INTS4: variants seen among roughly 807,000 people sequenced by gnomAD.
INTS4 encodes the protein MSTP093.
A neutral mutation model predicts 119.5 loss-of-function variants in INTS4; 70 were observed. The ratio of observed to expected loss-of-function variants is 0.59; its 90% CI spans 0.48 to 0.71. The LOEUF is 0.71. Ranked by LOEUF, INTS4 falls within the 30% of genes least tolerant of loss-of-function variation. The pLI is 0.00. For missense variants in INTS4, 867 were observed against 1,173.2 expected (o/e 0.74, Z 3.81); for synonymous variants, 316 against 419.6 (o/e 0.75, Z 3.02).
chr11:77,902,153 C>T lies in INTS4; in HGVS notation c.2098-602G>A, dbSNP rs187631041. Among the ~76,000 whole-genome samples the T allele has an allele frequency of 3.7e-3, 567 of 152,264 alleles. 6 individuals carry two copies. Among genetic ancestry groups the T allele is most frequent in the Non-Finnish European group, 6.9e-3 (468 of 68,022 alleles). ...CCTCCCAGTGAACACTCTAGGGTCA[C>T]GGAAATGACTCCAGACTCTCTTACA... On this transcript the variant is annotated intron_variant, in intron 17 of 22. Transcript: ENST00000534064.
At chr11:77,897,505 A>T (rs967174042) in intron 18 of INTS4, among the ~76,000 whole-genome samples, 6 of 150,610 alleles carry the variant, frequency 4.0e-5, no homozygotes, top group African/African-American at 1.5e-4. Flanking sequence ...TATTATTATT[A>T]TTATTTTTTT....
intron 21 of INTS4, among the ~76,000 whole-genome samples, chr11:77,884,264 G>A (rs780000566): frequency 1.3e-5 from 2 of 152,136 alleles, no homozygotes; most frequent in African/African-American, 2.4e-5. Flanking sequence ...TTCACCAGAA[G>A]AGCACTCCCT....
At chr11:77,891,603 G>C in intron 20 of INTS4, 78 bp downstream of exon 20, 1 of 1,580,596 alleles carries the variant, frequency 6.3e-7, no homozygotes, top group South Asian at 1.2e-5. Flanking sequence ...CTGCTCCACT[G>C]GTCAAAGAAG....
chr11:77,986,495 C>A (rs1012412507), intron 2 of INTS4, among the ~76,000 whole-genome samples: 7 of 151,964 alleles, frequency 4.6e-5, no homozygotes, highest in Admixed American at 1.3e-4. Context: ...GGGTATATAC[C>A]CAAAGGATTA....
chr11:77,905,768 A>C (rs2136452249), intron 16 of INTS4, among the ~76,000 whole-genome samples: 1 of 152,332 alleles, frequency 6.6e-6, no homozygotes, highest in African/African-American at 2.4e-5. Flanking sequence ...TCAGATGACC[A>C]CAGTTAAAAA....
At chr11:77,924,951 A>C in intron 11 of INTS4, 59 bp from the exon 12 acceptor site, 1 of 1,378,068 alleles carries the variant, frequency 7.3e-7, no homozygotes, top group Non-Finnish European at 1.0e-6. Context: ...CTCAGCCTCT[A>C]TCTACCATCC....
At chr11:77,888,772 A>G (rs1201936590) in intron 21 of INTS4, among the ~76,000 whole-genome samples, 1 of 152,246 alleles carries the variant, frequency 6.6e-6, no homozygotes, top group Non-Finnish European at 1.5e-5. Context: ...AAGGATATGA[A>G]CAGACACTTC....
intron 5 of INTS4, 98 bp from the exon 6 acceptor site, chr11:77,960,489 C>A: frequency 1.1e-6 from 1 of 904,688 alleles, no homozygotes; most frequent in South Asian, 1.7e-5. Context: ...TTGTATCAGG[C>A]TAACATGGTT....
intron 4 of INTS4, among the ~76,000 whole-genome samples, chr11:77,971,958 T>A (rs1225876848): frequency 2.0e-5 from 3 of 152,202 alleles, no homozygotes; most frequent in African/African-American, 4.8e-5. Flanking sequence ...GAGGTAAGTT[T>A]CCAACTTTCT....
rs779400020 is a variant in INTS4, at chr11:77,981,586, A to G, written c.247-10T>C. On this transcript the variant is annotated splice_polypyrimidine_tract_variant and intron_variant, in intron 2 of 22. Coordinates refer to ENST00000534064, the MANE Select transcript of INTS4 (RefSeq NM_033547.4). ...CAGATGGATCATTCTCCTGGAAAAA[A>G]AGAAGCAATTGTCACTTTGATGCTT... The G allele has an allele frequency of 6.8e-6, 10 of 1,466,722 alleles. No individual in the cohort carries two copies. In the Middle Eastern group the frequency reaches 1.1e-3, roughly 154 times the overall value. 90.9% of individuals were successfully genotyped at this position (1,466,722 alleles called of 1,614,324 possible). A position where few individuals can be genotyped will look rare whatever the true frequency, so the allele number is the denominator to read the frequency against.
Position 77,979,046 on chromosome 11 carries a change from G to C in INTS4, c.421C>G (p.Leu141Val). The C allele has an allele frequency of 6.2e-7, 1 of 1,613,182 alleles. No individual in the cohort carries two copies. The highest frequency in any genetic ancestry group is 1.1e-5 in the South Asian group (1 of 91,056). ...ATTTGGATAGCTTGATTCTCTGGTA[G>C]CTTAGTGCCAATTGCAAGCAAAGTA... ...LDTLLAIGTK[L>V]PENQAIQMRL... The change falls in exon 4 of 23, where the codon CTA (leucine) becomes GTA (valine). Residue 141 changes from leucine to valine, a missense_variant. By Grantham distance (32) the Leu-to-Val change is conservative (BLOSUM62 1). Transcript: ENST00000534064.
chr11:77,933,021 C>T (rs1419050023), intron 10 of INTS4, among the ~76,000 whole-genome samples: 3 of 151,598 alleles, frequency 2.0e-5, no homozygotes, highest in Admixed American at 6.6e-5. Context: ...GATGGGTTGA[C>T]GGGTGCAGCA....
At chr11:77,919,436 G>A (rs3018416) in intron 14 of INTS4, among the ~76,000 whole-genome samples, 14,933 of 151,918 alleles carry the variant, frequency 0.098, 1,013 homozygotes, top group Non-Finnish European at 0.15. Flanking sequence ...AGAGGTGGCC[G>A]CCCCCACACC....
At chr11:77,938,311 T>C (rs1210207645) in intron 10 of INTS4, among the ~76,000 whole-genome samples, 1 of 152,214 alleles carries the variant, frequency 6.6e-6, no homozygotes, top group African/African-American at 2.4e-5. Flanking sequence ...AATTATTAAG[T>C]GCTTATTATA....
intron 14 of INTS4, among the ~76,000 whole-genome samples, chr11:77,920,127 A>G (rs148600074): frequency 2.1e-4 from 32 of 150,982 alleles, no homozygotes; most frequent in African/African-American, 7.8e-4. Context: ...TATTTTCTAT[A>G]AAGTTTAAAT....
Position 77,922,593 on chromosome 11 carries a change from C to T in INTS4, c.1515-122G>A. On this transcript the variant is annotated intron_variant, in intron 12 of 22. Transcript: ENST00000534064. ...GGAAATTCTCAACCATATACTTTTG[C>T]TAACTCTATGACTTCAGATAAGTCA... The T allele has an allele frequency of 4.0e-6, 3 of 746,008 alleles. No individual in the cohort carries two copies. The South Asian group carries it at 5.7e-5, about 14-fold the overall frequency. 46.2% of individuals were successfully genotyped at this position (746,008 alleles called of 1,614,324 possible).
chr11:77,957,663 CTTT>C (rs1159914263), intron 7 of INTS4, among the ~76,000 whole-genome samples: 2 of 110,696 alleles, frequency 1.8e-5, no homozygotes, highest in Admixed American at 9.9e-5. Context: ...AACTGAACTT[CTTT>C]TTTTTTTTTT....
intron 8 of INTS4, among the ~76,000 whole-genome samples, chr11:77,954,410 A>T (rs901829462): frequency 3.3e-5 from 5 of 152,010 alleles, no homozygotes; most frequent in Non-Finnish European, 4.4e-5. Flanking sequence ...TCAGCCTCCT[A>T]AAGTGCTAGG....
intron 21 of INTS4, among the ~76,000 whole-genome samples, chr11:77,887,972 C>T (rs1271394017): frequency 1.3e-5 from 2 of 152,156 alleles, no homozygotes; most frequent in Non-Finnish European, 2.9e-5. Flanking sequence ...TAGGAAGAAT[C>T]AATATTGTGA....
Sources: allele counts gnomAD v4.1 joint callset (sites outside exome capture counted in the v4.1 genomes callset), GRCh38; gene constraint gnomAD v4.1.1; transcripts MANE v1.5; gene names NCBI Gene and HGNC (gene_info 2026-07-23, HGNC 2026-07-21).